CCDC181: variants seen among roughly 807,000 people sequenced by gnomAD.
The protein encoded by CCDC181 is coiled-coil domain-containing protein 181.
Under a neutral mutation model 58.7 loss-of-function variants are expected in CCDC181, and 35 were observed. The observed-to-expected ratio is 0.60, with a 90% CI of 0.46 to 0.79. The LOEUF (loss-of-function observed/expected upper bound fraction) is 0.79, where lower values mean the gene tolerates loss of function less well. CCDC181 is among the 30% of genes least tolerant of loss of function. The probability of loss-of-function intolerance (pLI) is 0.00; values close to 1 mark genes in which losing one functional copy is unlikely to be tolerated. For synonymous variants in CCDC181, 183 were observed against 197.5 expected (o/e 0.93, Z 0.62); for missense variants, 517 against 583.9 (o/e 0.89, Z 1.18).
Position 169,410,875 on chromosome 1 carries a change from G to A in CCDC181, c.1215+8138C>T, listed in dbSNP as rs535027315. On this transcript the variant is annotated intron_variant, in intron 4 of 5. Coordinates refer to ENST00000367806, the MANE Select transcript of CCDC181 (RefSeq NM_001300969.2). ...AAAGACACAATGTACCAGATCTCTA[G>A]GATACAGCTAAAGCAGTGTTTAAAG... 2.0e-5 allele frequency among the ~76,000 whole-genome samples: 3 copies of A among 152,266 alleles called. No homozygotes were observed. The South Asian group carries it at 6.2e-4, about 32-fold the overall frequency.
At chr1:169,442,657 A>G (rs1339601754) in intron 2 of CCDC181, 3 of 152,138 alleles carry the variant, frequency 2.0e-5, no homozygotes, top group African/African-American at 4.8e-5. Context: ...ACACACATAT[A>G]TTTGAAATGG....
intron 4 of CCDC181, among the ~76,000 whole-genome samples, chr1:169,407,057 GAAAAA>G (rs33976978): frequency 1.7e-5 from 2 of 118,930 alleles, no homozygotes; most frequent in Admixed American, 8.2e-5. Context: ...AGATGAGGCA[GAAAAA>G]AAAAAAAAAA....
At chr1:169,423,793 T>C (rs1223949099) in intron 2 of CCDC181, among the ~76,000 whole-genome samples, 1 of 152,018 alleles carries the variant, frequency 6.6e-6, no homozygotes, top group African/African-American at 2.4e-5. Flanking sequence ...CTGCCTCTAC[T>C]CATTCTGCTT....
intron 1 of CCDC181, among the ~76,000 whole-genome samples, 155 bp from the exon 2 acceptor site, chr1:169,425,105 A>T (rs1356333473): frequency 2.0e-5 from 3 of 152,074 alleles, no homozygotes; most frequent in Non-Finnish European, 4.4e-5. Flanking sequence ...TGAAAGAGAG[A>T]TCTGCAATGG....
chr1:169,434,254 C>T (rs1656997494), intron 2 of CCDC181, among the ~76,000 whole-genome samples: 1 of 151,818 alleles, frequency 6.6e-6, no homozygotes, highest in African/African-American at 2.4e-5. Flanking sequence ...ATACCACCCT[C>T]ATTAGGAAGA....
intron 2 of CCDC181, among the ~76,000 whole-genome samples, chr1:169,449,587 C>T (rs1657475900): frequency 6.6e-6 from 1 of 152,248 alleles, no homozygotes; most frequent in African/African-American, 2.4e-5. Context: ...TATCAGCCTT[C>T]AGTCTGTGGC....
intron 4 of CCDC181, among the ~76,000 whole-genome samples, chr1:169,398,266 A>G (rs940199654): frequency 5.3e-5 from 8 of 152,210 alleles, no homozygotes; most frequent in Non-Finnish European, 1.2e-4. Context: ...ACAATACCGT[A>G]TATTTCAAAA....
At chr1:169,454,617 A>G in intron 2 of CCDC181, 1 of 152,174 alleles carries the variant, frequency 6.6e-6, no homozygotes, top group East Asian at 1.9e-4. Context: ...AGAAATACTA[A>G]TCAAAATTCA....
At chr1:169,413,346 A>G (rs1656062953) in intron 4 of CCDC181, among the ~76,000 whole-genome samples, 1 of 152,234 alleles carries the variant, frequency 6.6e-6, no homozygotes, top group Non-Finnish European at 1.5e-5. Context: ...TAGAATGGCG[A>G]TCATTAAAAA....
intron 4 of CCDC181, among the ~76,000 whole-genome samples, chr1:169,406,518 ACC>A (rs1655665017): frequency 6.6e-6 from 1 of 152,194 alleles, no homozygotes; most frequent in Non-Finnish European, 1.5e-5. Flanking sequence ...GAAGCTGGAG[ACC>A]ATCATTCTGA....
Position 169,421,448 on chromosome 1 carries a change from G to A in CCDC181, c.983C>T (p.Pro328Leu), listed in dbSNP as rs777838231. The change falls in exon 3 of 6, where the codon CCA (proline) becomes CTA (leucine). Residue 328 changes from proline (P) to leucine (L), a missense_variant. Physicochemically the swap from Pro to Leu is moderately conservative, Grantham distance 98. Transcript: ENST00000367806. ...NHRTQSAHIS[P>L]VTSTYCLSPR... ...GGAAAGACAGTATGTTGAAGTCACT[G>A]GTGAGATATGTGCAGACTGTGTCCT... 9 of 1,613,878 alleles carry A rather than the reference G, an allele frequency of 5.6e-6. No homozygotes were observed. The South Asian group carries it at 7.7e-5, about 14-fold the overall frequency.
intron 2 of CCDC181, among the ~76,000 whole-genome samples, chr1:169,438,254 C>T (rs1025415385): frequency 2.6e-5 from 4 of 151,920 alleles, no homozygotes; most frequent in African/African-American, 9.7e-5. Flanking sequence ...ACCAGTTACA[C>T]TTACACTTAC....
chr1:169,424,863 T>C lies in CCDC181; in HGVS notation c.65A>G (p.Asp22Gly), dbSNP rs201674076. Residue 22 changes from aspartate (D) to glycine (G), a missense_variant, in exon 2 of 6, where the codon GAC becomes GGC. Asp to Gly is a moderately conservative substitution (Grantham distance 94). Coordinates refer to ENST00000367806, the MANE Select transcript of CCDC181 (RefSeq NM_001300969.2). ...SEEYEDDFEKDLEWLINENEK... is the reference protein window; with the variant it reads ...SEEYEDDFEKGLEWLINENEK... ...ATTTTCATTAATTAACCACTCCAGGTCCTTTTCAAAGTCATCTTCGTATTC... is the reference window on the plus strand; with the variant it reads ...ATTTTCATTAATTAACCACTCCAGGCCCTTTTCAAAGTCATCTTCGTATTC... The C allele has an allele frequency of 1.1e-5, 18 of 1,609,462 alleles. No homozygotes were observed. The Admixed American group carries it at 2.0e-4, about 18-fold the overall frequency.
chr1:169,415,037 AT>A (rs1377459854), intron 4 of CCDC181, among the ~76,000 whole-genome samples: 1 of 152,206 alleles, frequency 6.6e-6, no homozygotes, highest in East Asian at 1.9e-4. Context: ...TCTACATAAA[AT>A]TTTTTGAAAT....
chr1:169,410,964 C>T (rs1655931912), intron 4 of CCDC181, among the ~76,000 whole-genome samples: 1 of 152,154 alleles, frequency 6.6e-6, no homozygotes, highest in South Asian at 2.1e-4. Flanking sequence ...AACATTTTAA[C>T]ATCGCAATTA....
chr1:169,430,603 A>G (rs1656890551), upstream of CCDC181, among the ~76,000 whole-genome samples: 1 of 151,984 alleles, frequency 6.6e-6, no homozygotes, highest in Non-Finnish European at 1.5e-5. Context: ...TGATGTTGGT[A>G]TACAGCAGTG....
chr1:169,458,838 CTT>C (rs546000847), intron 2 of CCDC181, among the ~76,000 whole-genome samples: 1 of 151,578 alleles, frequency 6.6e-6, no homozygotes, highest in Non-Finnish European at 1.5e-5. Context: ...TTTTAATAGT[CTT>C]TAATTTTTAA....
At chr1:169,440,987 T>A (rs1481605928) in intron 2 of CCDC181, among the ~76,000 whole-genome samples, 1 of 148,056 alleles carries the variant, frequency 6.8e-6, no homozygotes, top group Non-Finnish European at 1.5e-5. Context: ...TATTTTTTAT[T>A]GCCCATGGCA....
upstream of CCDC181, among the ~76,000 whole-genome samples, chr1:169,430,113 T>A (rs1264049642): frequency 6.6e-6 from 1 of 151,928 alleles, no homozygotes; most frequent in East Asian, 1.9e-4. Context: ...TCAGTTAGCT[T>A]CATTTCTTGG....
Sources: allele counts gnomAD v4.1 joint callset (sites outside exome capture counted in the v4.1 genomes callset), GRCh38; gene constraint gnomAD v4.1.1; transcripts MANE v1.5; gene names NCBI Gene and HGNC (gene_info 2026-07-23, HGNC 2026-07-21).